Variants in ANP32A observed in about 807,000 individuals in gnomAD.
ANP32A encodes acidic leucine-rich nuclear phosphoprotein 32 family member A.
Under a neutral mutation model 33.9 loss-of-function variants are expected in ANP32A, and 1 was observed. The ratio of observed to expected loss-of-function variants is 0.03; its 90% CI spans 0.01 to 0.14. The LOEUF (loss-of-function observed/expected upper bound fraction) is 0.14. Ranked by LOEUF, ANP32A falls within the 10% of genes least tolerant of loss-of-function variation. ANP32A has a pLI of 1.00. For synonymous variants in ANP32A, 115 were observed against 120.5 expected (o/e 0.95, Z 0.30); for missense variants, 155 against 306.0 (o/e 0.51, Z 3.68).
chr15:68,807,340 G>A (rs950128856), intron 1 of ANP32A, among the ~76,000 whole-genome samples: 3 of 146,162 alleles, frequency 2.1e-5, no homozygotes, highest in South Asian at 2.2e-4. Context: ...GTGAGCCAGC[G>A]CGACAGCCCC....
intron 1 of ANP32A, among the ~76,000 whole-genome samples, chr15:68,809,923 A>C (rs1431777025): frequency 1.3e-5 from 2 of 152,266 alleles, no homozygotes; most frequent in Non-Finnish European, 2.9e-5. Context: ...AAGGGGACAG[A>C]GATGCTAATT....
chr15:68,783,367 G>A (rs1054095983), intron 4 of ANP32A, among the ~76,000 whole-genome samples: 1 of 151,836 alleles, frequency 6.6e-6, no homozygotes, highest in Non-Finnish European at 1.5e-5. Flanking sequence ...CCGGGAAAGC[G>A]GCAAGATCAA....
chr15:68,798,080 C>A (rs753578039), intron 1 of ANP32A, among the ~76,000 whole-genome samples: 10 of 152,222 alleles, frequency 6.6e-5, no homozygotes, highest in Non-Finnish European at 4.4e-5. Flanking sequence ...TTAATTCTGG[C>A]TGCTGAAATC....
chr15:68,783,256 GC>G (rs931636231), intron 4 of ANP32A, among the ~76,000 whole-genome samples: 1 of 151,986 alleles, frequency 6.6e-6, no homozygotes, highest in Non-Finnish European at 1.5e-5. Flanking sequence ...CCAAAGATAA[GC>G]CCCCCTCACA....
At chr15:68,804,957 T>G (rs1348118320) in intron 1 of ANP32A, among the ~76,000 whole-genome samples, 1 of 152,254 alleles carries the variant, frequency 6.6e-6, no homozygotes, top group Non-Finnish European at 1.5e-5. Context: ...GTAGGATTCC[T>G]GCTTTTAGAT....
intron 1 of ANP32A, among the ~76,000 whole-genome samples, chr15:68,806,251 G>A (rs1894221523): frequency 6.6e-6 from 1 of 152,154 alleles, no homozygotes; most frequent in Non-Finnish European, 1.5e-5. Context: ...TACAGTGGGT[G>A]CCTCTCAGAC....
chr15:68,785,824 C>T (rs1704145610), intron 3 of ANP32A, among the ~76,000 whole-genome samples: 1 of 152,194 alleles, frequency 6.6e-6, no homozygotes, highest in African/African-American at 2.4e-5. Context: ...TTTATATACT[C>T]AATCCCCATA....
At chr15:68,819,440 T>C (rs1894440158) in intron 1 of ANP32A, among the ~76,000 whole-genome samples, 2 of 152,232 alleles carry the variant, frequency 1.3e-5, no homozygotes, top group Admixed American at 1.3e-4. Flanking sequence ...CCCACCCGTG[T>C]AAGTTTCCTC....
intron 1 of ANP32A, among the ~76,000 whole-genome samples, chr15:68,797,596 C>G (rs1484067868): frequency 2.6e-5 from 4 of 152,208 alleles, no homozygotes; most frequent in Non-Finnish European, 5.9e-5. Context: ...CATCAGTGCT[C>G]CCTGGCAAAA....
At position 68,787,400 on chromosome 15, in the gene ANP32A, C is replaced by T. The variant is rs747350590; in HGVS notation, c.327+13G>A. 3 of 1,614,114 alleles carry T rather than the reference C, an allele frequency of 1.9e-6. No individual in the cohort carries two copies. Among genetic ancestry groups the T allele is most frequent in the Admixed American group, 3.3e-5 (2 of 60,022 alleles). ...CCTACCCCTGCAGGGAGGGGAGGGT[C>T]CGAATGACTTACCAGTGGCTCTATT... On this transcript the variant is annotated intron_variant, in intron 3 of 6. Coordinates refer to ENST00000465139, the MANE Select transcript of ANP32A (RefSeq NM_006305.4).
chr15:68,814,848 C>T (rs1412958169), intron 1 of ANP32A, among the ~76,000 whole-genome samples: 2 of 152,210 alleles, frequency 1.3e-5, no homozygotes, highest in African/African-American at 2.4e-5. Flanking sequence ...ACTGGGTGCA[C>T]AGCTGCCCCG....
At chr15:68,794,589 C>A (rs1484841643) in intron 1 of ANP32A, among the ~76,000 whole-genome samples, 1 of 152,220 alleles carries the variant, frequency 6.6e-6, no homozygotes, top group Non-Finnish European at 1.5e-5. Flanking sequence ...GGGCCATCCC[C>A]TGTTGCAGAT....
chr15:68,805,609 AT>A (rs1466016895), intron 1 of ANP32A, among the ~76,000 whole-genome samples: 1 of 152,090 alleles, frequency 6.6e-6, no homozygotes, highest in Non-Finnish European at 1.5e-5. Flanking sequence ...CCCATGAATC[AT>A]CCCATGAATT....
At chr15:68,802,829 T>C (rs1001298875) in intron 1 of ANP32A, among the ~76,000 whole-genome samples, 11 of 152,122 alleles carry the variant, frequency 7.2e-5, no homozygotes, top group African/African-American at 2.7e-4. Context: ...ATTTTTTATA[T>C]TTTTGGTAGA....
intron 1 of ANP32A, among the ~76,000 whole-genome samples, chr15:68,803,341 CT>C (rs1193378415): frequency 1.3e-5 from 2 of 152,326 alleles, no homozygotes; most frequent in East Asian, 3.9e-4. Context: ...CAGAATGGGT[CT>C]TAGTGATGGC....
intron 1 of ANP32A, among the ~76,000 whole-genome samples, chr15:68,804,793 G>A (rs1044175192): frequency 1.3e-5 from 2 of 152,250 alleles, no homozygotes; most frequent in Non-Finnish European, 2.9e-5. Flanking sequence ...GATTGTAGGC[G>A]TGAGCCGCTG....
intron 1 of ANP32A, among the ~76,000 whole-genome samples, chr15:68,814,993 A>G (rs1894361090): frequency 6.6e-6 from 1 of 152,226 alleles, no homozygotes; most frequent in African/African-American, 2.4e-5. Context: ...TGAGTACACA[A>G]CGAAGAATTT....
At chr15:68,801,023 T>C (rs993808850) in intron 1 of ANP32A, among the ~76,000 whole-genome samples, 15 of 151,692 alleles carry the variant, frequency 9.9e-5, no homozygotes, top group Non-Finnish European at 2.2e-4. Context: ...CAGCATGAGA[T>C]TGGGGTGGAG....
intron 1 of ANP32A, among the ~76,000 whole-genome samples, chr15:68,798,724 T>G (rs1375711684): frequency 6.6e-6 from 1 of 152,100 alleles, no homozygotes; most frequent in Admixed American, 6.5e-5. Flanking sequence ...CAGCCCCTGC[T>G]CTCCCCACCA....
Sources: allele counts gnomAD v4.1 joint callset (sites outside exome capture counted in the v4.1 genomes callset), GRCh38; gene constraint gnomAD v4.1.1; transcripts MANE v1.5; gene names NCBI Gene and HGNC (gene_info 2026-07-23, HGNC 2026-07-21).